Variants in GPR160 observed in about 807,000 individuals in gnomAD.
The protein encoded by GPR160 is G protein-coupled receptor 160.
Under a neutral mutation model 2.6 loss-of-function variants are expected in GPR160, and 2 were observed. The ratio of observed to expected loss-of-function variants is 0.77; its 90% CI spans 0.32 to 2.44. The LOEUF is 2.44. Ranked by LOEUF, GPR160 falls within the 30% of genes most tolerant of loss-of-function variation. The probability of loss-of-function intolerance (pLI) is 0.11; values close to 1 mark genes in which losing one functional copy is unlikely to be tolerated. For missense variants in GPR160, 351 were observed against 383.6 expected, an observed-to-expected ratio of 0.91 and a Z score of 0.71; for synonymous variants, 130 against 132.2, an observed-to-expected ratio of 0.98 and a Z score of 0.12.
At chr3:170,070,763 GA>G (rs1461674704) in intron 2 of GPR160, among the ~76,000 whole-genome samples, 1 of 152,150 alleles carries the variant, frequency 6.6e-6, no homozygotes. Flanking sequence ...TTATGAGAAG[GA>G]ACATTTGTTT....
intron 2 of GPR160, among the ~76,000 whole-genome samples, chr3:170,045,397 T>C (rs1390165066): frequency 1.7e-5 from 1 of 58,514 alleles, no homozygotes; most frequent in Non-Finnish European, 3.3e-5. Flanking sequence ...ACCCTGTCTC[T>C]ACTAAAAATA....
In GPR160 at chr3:170,083,928, T is replaced by TATCA. The variant is rs775916841; in HGVS notation, c.-44_-41dup. ...AGGGACAGAAAATGAAGCAGTGTTT[T>TATCA]ATCATGTGTATTTCAGCAGGTCTTC... On this transcript the variant is annotated 5_prime_UTR_variant, in exon 4 of 4. The change creates a new upstream start codon in the 5' untranslated region. Coordinates refer to ENST00000355897, the MANE Select transcript of GPR160 (RefSeq NM_014373.3). The TATCA allele has an allele frequency of 9.1e-7, 1 of 1,095,294 alleles. No individual in the cohort carries two copies. The highest frequency in any genetic ancestry group is 1.6e-5 in the African/African-American group (1 of 61,338). 67.8% of individuals were successfully genotyped at this position (1,095,294 alleles called of 1,614,324 possible). A position where few individuals can be genotyped will look rare whatever the true frequency, so the allele number is the denominator to read the frequency against.
chr3:170,079,409 ATTAT>A (rs1323654630), intron 2 of GPR160, among the ~76,000 whole-genome samples: 1 of 152,216 alleles, frequency 6.6e-6, no homozygotes, highest in East Asian at 1.9e-4. Flanking sequence ...TTTTTACCAT[ATTAT>A]TTAAATAACA....
intron 2 of GPR160, among the ~76,000 whole-genome samples, chr3:170,048,075 C>T (rs1716804007): frequency 6.6e-6 from 1 of 152,152 alleles, no homozygotes; most frequent in South Asian, 2.1e-4. Flanking sequence ...GTGATCCACC[C>T]GCCTTGGCCT....
intron 3 of GPR160, among the ~76,000 whole-genome samples, chr3:170,082,997 TTTTG>T (rs869071482): frequency 7.9e-5 from 12 of 151,726 alleles, no homozygotes; most frequent in African/African-American, 2.7e-4. Context: ...TGGTTTTTGT[TTTTG>T]TTTTTTTGCT....
At chr3:170,064,072 G>A (rs191687060) in intron 2 of GPR160, among the ~76,000 whole-genome samples, 2 of 152,248 alleles carry the variant, frequency 1.3e-5, no homozygotes, top group South Asian at 2.1e-4. Flanking sequence ...CATAGGTCTT[G>A]AAGTGAGTGA....
In GPR160 at chr3:170,038,106, A is replaced by G. The variant is rs868293349; in HGVS notation, c.-431A>G. The G allele has an allele frequency of 0.012, 1,788 of 152,340 alleles. 16 individuals carry two copies. Among genetic ancestry groups the G allele is most frequent in the South Asian group, 0.042 (231 of 5,504 alleles). 9.4% of individuals were successfully genotyped at this position (152,340 alleles called of 1,614,324 possible). A position where few individuals can be genotyped will look rare whatever the true frequency, so the allele number is the denominator to read the frequency against. ...GCGGGGCGGGGCGGGGCGGGGCGGG[A>G]CCAGGCGGGCGAGCTGGGCCCTCGC... On this transcript the variant is annotated 5_prime_UTR_variant, in exon 1 of 4. Coordinates refer to ENST00000355897, the MANE Select transcript of GPR160 (RefSeq NM_014373.3). The surrounding 1 kb of genome is among the most constrained non-coding windows in gnomAD (Gnocchi z 5.3).
chr3:170,046,708 A>G (rs1257290647), intron 2 of GPR160, among the ~76,000 whole-genome samples: 5 of 152,330 alleles, frequency 3.3e-5, no homozygotes, highest in East Asian at 1.9e-4. Context: ...TTAATATTTT[A>G]TAGTTCCTAA....
At chr3:170,055,130 A>C (rs1291249703) in intron 2 of GPR160, among the ~76,000 whole-genome samples, 1 of 152,148 alleles carries the variant, frequency 6.6e-6, no homozygotes, top group East Asian at 1.9e-4. Context: ...ATAATATTCT[A>C]CTGTATGGAT....
chr3:170,051,065 A>G (rs1716936203), intron 2 of GPR160, among the ~76,000 whole-genome samples: 1 of 152,210 alleles, frequency 6.6e-6, no homozygotes, highest in South Asian at 2.1e-4. Context: ...CGGCTGTGCA[A>G]TGTTAGAGTC....
At chr3:170,042,828 T>TAA (rs763216364) in intron 2 of GPR160, among the ~76,000 whole-genome samples, 10,644 of 107,834 alleles carry the variant, frequency 0.099, 597 homozygotes, top group Middle Eastern at 0.12. Flanking sequence ...CTCTCTCTCT[T>TAA]AAAAAAAAAA....
intron 2 of GPR160, among the ~76,000 whole-genome samples, chr3:170,065,305 CTT>C (rs2108332494): frequency 6.6e-6 from 1 of 152,150 alleles, no homozygotes; most frequent in African/African-American, 2.4e-5. Flanking sequence ...AGACTCTTCT[CTT>C]TTGTGTAAAT....
At chr3:170,070,644 A>G (rs549457443) in intron 2 of GPR160, among the ~76,000 whole-genome samples, 3 of 152,366 alleles carry the variant, frequency 2.0e-5, no homozygotes, top group East Asian at 3.9e-4. Flanking sequence ...CCAGTACTTA[A>G]GTTTAACAAC....
chr3:170,084,029 C>A lies in GPR160; in HGVS notation c.57C>A (p.Asn19Lys). Residue 19 changes from asparagine (N) to lysine (K), a missense_variant, in exon 4 of 4, where the codon AAC becomes AAA. By Grantham distance (94) the Asn-to-Lys change is moderately conservative. Transcript: ENST00000355897. ...CSFQYQLRQT[N>K]QPLDVNYLLF... ...TTCAGTACCAGTTACGTCAAACAAA[C>A]CAGCCCCTAGATGTTAACTATCTGC... 1 of 1,564,258 alleles carries A rather than the reference C, an allele frequency of 6.4e-7. No individual in the cohort carries two copies. The highest frequency in any genetic ancestry group is 1.2e-5 in the South Asian group (1 of 82,082).
intron 2 of GPR160, among the ~76,000 whole-genome samples, chr3:170,044,324 CA>C (rs57817027): frequency 2.8e-4 from 25 of 89,260 alleles, no homozygotes; most frequent in Non-Finnish European, 4.5e-4. Flanking sequence ...AACTCCATCT[CA>C]AAAAAAAAAA....
rs1334143361 is a variant in GPR160, at chr3:170,084,323, T to TAG, written c.352_353insGA (p.Ile118ArgfsTer2). 1 of 1,609,202 alleles carries TAG rather than the reference T, an allele frequency of 6.2e-7. No individual in the cohort carries two copies. Among genetic ancestry groups the TAG allele is most frequent in the Non-Finnish European group, 8.5e-7 (1 of 1,176,810 alleles). On this transcript the variant is annotated frameshift_variant, in exon 4 of 4. Transcript: ENST00000355897. LOFTEE classifies it low-confidence loss of function (END_TRUNC). ...ATTATCCAGTTTTCCTGACAGCTTG[T>TAG]ATAGATTATTGCCTGAATTTCTCTA...
Position 170,083,986 on chromosome 3 carries a change from CTT to C in GPR160, c.15_16del (p.Ser6ArgfsTer19), listed in dbSNP as rs1559994899. On this transcript the variant is annotated frameshift_variant, in exon 4 of 4. Coordinates refer to ENST00000355897, the MANE Select transcript of GPR160 (RefSeq NM_014373.3). LOFTEE classifies it low-confidence loss of function (END_TRUNC). ...TTAACTAAAAATATGACTGCTCTCT[CTT>C]CAGAGAACTGCTCTTTTCAGTACCA... 6.7e-7 allele frequency: 1 copy of C among 1,492,128 alleles called. No homozygotes were observed. The highest frequency in any genetic ancestry group is 2.4e-5 in the East Asian group (1 of 41,832). The allele number at this position is 1,492,128 out of a possible 1,614,324, so 92.4% of individuals were successfully genotyped here.
rs954544673 is a variant in GPR160 at position 170,079,905 on chromosome 3, T to C, written c.-69+8T>C. 1 of 152,184 alleles carries C rather than the reference T, an allele frequency of 6.6e-6. No individual in the cohort carries two copies. The highest frequency in any genetic ancestry group is 1.5e-5 in the Non-Finnish European group (1 of 68,034). The allele number at this position is 152,184 out of a possible 1,614,324, so 9.4% of individuals were successfully genotyped here. On this transcript the variant is annotated splice_region_variant and intron_variant, in intron 3 of 3. Transcript: ENST00000355897. Reference sequence around the variant, plus strand: ...AGGAAGACCCACTGGAGAGTAAGTATGCAAGTTGTTAATAATTAATTGGGT... The same window carrying C: ...AGGAAGACCCACTGGAGAGTAAGTACGCAAGTTGTTAATAATTAATTGGGT...
At chr3:170,064,840 G>A (rs1461910352) in intron 2 of GPR160, among the ~76,000 whole-genome samples, 1 of 152,048 alleles carries the variant, frequency 6.6e-6, no homozygotes, top group African/African-American at 2.4e-5. Flanking sequence ...TTCTTACTGA[G>A]TGAGACTCGG....
Sources: gnomAD v4.1 joint callset for allele counts (sites outside exome capture counted in the v4.1 genomes callset) on GRCh38, gnomAD v4.1.1 for gene constraint, Gnocchi (gnomAD v3.1) non-coding constraint, MANE v1.5 for transcripts, NCBI Gene and HGNC (gene_info 2026-07-23, HGNC 2026-07-21) for gene names.